Variants in CLCN4 observed in about 807,000 individuals in gnomAD.
CLCN4 encodes the protein H(+)/Cl(-) exchange transporter 4.
A neutral mutation model predicts 41.7 loss-of-function variants in CLCN4; 1 was observed. That is an observed-to-expected ratio of 0.02 (90% confidence interval 0.01 to 0.11). The LOEUF is 0.11. Ranked by LOEUF, CLCN4 falls within the 10% of genes least tolerant of loss-of-function variation. CLCN4 has a pLI of 1.00. For synonymous variants in CLCN4, 277 were observed against 285.8 expected (o/e 0.97, Z 0.31); for missense variants, 287 against 661.0 (o/e 0.43, Z 6.20).
At chrX:10,192,582 C>T (rs942979731) in intron 4 of CLCN4, among the ~76,000 whole-genome samples, 3 of 111,006 alleles carry the variant, frequency 2.7e-5, no homozygotes, top group Non-Finnish European at 5.7e-5. Context: ...ATCTGAGGGG[C>T]CAGCTGTCAG....
At chrX:10,182,991 C>T (rs5979273) in intron 2 of CLCN4, among the ~76,000 whole-genome samples, 32,897 of 111,408 alleles carry the variant, frequency 0.3, 4,058 homozygotes, top group African/African-American at 0.48. Context: ...CAAGTCTCTG[C>T]GATTCTATCT....
intron 2 of CLCN4, among the ~76,000 whole-genome samples, chrX:10,178,029 A>G (rs1020610311): frequency 2.7e-5 from 3 of 112,235 alleles, no homozygotes; most frequent in Admixed American, 9.4e-5. Flanking sequence ...GCCAGATGCA[A>G]GAGGCCACAT....
At chrX:10,182,679 G>A (rs1602144134) in intron 2 of CLCN4, among the ~76,000 whole-genome samples, 1 of 112,288 alleles carries the variant, frequency 8.9e-6, no homozygotes, top group South Asian at 3.7e-4. Context: ...ACCCGCCTCG[G>A]CCTCCCAAAG....
At chrX:10,228,691 C>T (rs1168928019) in intron 12 of CLCN4, among the ~76,000 whole-genome samples, 1 of 111,510 alleles carries the variant, frequency 9.0e-6, no homozygotes, top group Non-Finnish European at 1.9e-5. Context: ...GAGTAATAGT[C>T]AAAGTGTTTA....
chrX:10,217,804 G>A (rs998907693), intron 11 of CLCN4, among the ~76,000 whole-genome samples: 2 of 106,109 alleles, frequency 1.9e-5, no homozygotes, highest in African/African-American at 3.5e-5. Context: ...GTGCAGTGGC[G>A]ACATCTCGGC....
chrX:10,208,808 A>G lies in CLCN4; in HGVS notation c.1389+218A>G, dbSNP rs775272100. Reference sequence around the variant, plus strand: ...AGATTTTAATCCCATTTTACAACTGAGGAAACTAAGGCTCTGAGATCTTAA... The same window carrying G: ...AGATTTTAATCCCATTTTACAACTGGGGAAACTAAGGCTCTGAGATCTTAA... On this transcript the variant is annotated intron_variant, in intron 9 of 12. Transcript: ENST00000380833. 4.1e-4 allele frequency among the ~76,000 whole-genome samples: 46 copies of G among 112,203 alleles called. No individual in the cohort carries two copies. The South Asian group carries it at 5.9e-3, about 14-fold the overall frequency.
At chrX:10,232,801 A>G (rs187160378) in intron 12 of CLCN4, among the ~76,000 whole-genome samples, 11 of 111,046 alleles carry the variant, frequency 9.9e-5, no homozygotes. Context: ...GGTCCCATAC[A>G]ATGGACTCTG....
chrX:10,169,967 T>C (rs1169533243), intron 2 of CLCN4, among the ~76,000 whole-genome samples: 1 of 109,640 alleles, frequency 9.1e-6, no homozygotes, highest in East Asian at 2.9e-4. Context: ...TTTGTATTTT[T>C]AGTAGAGATG....
intron 12 of CLCN4, among the ~76,000 whole-genome samples, chrX:10,224,375 CACTA>C (rs1433719859): frequency 1.9e-5 from 2 of 104,543 alleles, no homozygotes; most frequent in African/African-American, 7.1e-5. Context: ...ACTTTGCAAA[CACTA>C]ACAAGTCTTA....
At chrX:10,216,895 G>GTATATATATATATATATATATA (rs1277215208) in intron 11 of CLCN4, among the ~76,000 whole-genome samples, 3 of 2,086 alleles carry the variant, frequency 1.4e-3, no homozygotes, top group African/African-American at 1.6e-3. Flanking sequence ...GTGTGTGTGT[G>GTATATATATATATATATATATA]TGTATATATA....
At chrX:10,217,284 G>A (rs1453140216) in intron 11 of CLCN4, among the ~76,000 whole-genome samples, 1 of 109,960 alleles carries the variant, frequency 9.1e-6, no homozygotes, top group Non-Finnish European at 1.9e-5. Context: ...TTAATTAACA[G>A]GATGATAGAC....
chrX:10,207,052 T>C lies in CLCN4; in HGVS notation c.843+276T>C, dbSNP rs1303813540. On this transcript the variant is annotated intron_variant, in intron 8 of 12. Transcript: ENST00000380833. ...CTCCTGTCCCAGCCTCCTGAGTAGCTGGGACTATAGGTGCACGCCACCACG... is the reference window on the plus strand; with the variant it reads ...CTCCTGTCCCAGCCTCCTGAGTAGCCGGGACTATAGGTGCACGCCACCACG... 2.7e-5 allele frequency among the ~76,000 whole-genome samples: 3 copies of C among 110,925 alleles called. No homozygotes were observed. In the Admixed American group the frequency reaches 2.9e-4, roughly 11 times the overall value.
chrX:10,189,665 G>T (rs1187299562), intron 4 of CLCN4, among the ~76,000 whole-genome samples: 2 of 112,418 alleles, frequency 1.8e-5, no homozygotes, highest in South Asian at 3.6e-4. Flanking sequence ...TTCCTCGCTG[G>T]ACTAACAGTG....
chrX:10,223,427 C>T (rs1348388668), intron 12 of CLCN4, among the ~76,000 whole-genome samples: 2 of 111,905 alleles, frequency 1.8e-5, no homozygotes, highest in African/African-American at 6.5e-5. Flanking sequence ...AGCAAAATCG[C>T]ACTCTCTCTC....
chrX:10,213,595 C>T, intron 10 of CLCN4, 86 bp from the exon 11 acceptor site: 1 of 883,251 alleles, frequency 1.1e-6, no homozygotes, highest in South Asian at 2.3e-5. Flanking sequence ...GGGGAATTTA[C>T]AGCCTGTCTG....
chrX:10,191,020 C>G (rs1163106005), intron 4 of CLCN4, among the ~76,000 whole-genome samples: 1 of 112,297 alleles, frequency 8.9e-6, no homozygotes, highest in Admixed American at 9.4e-5. Context: ...GTATGTAAAG[C>G]TTTATTGAAA....
intron 2 of CLCN4, among the ~76,000 whole-genome samples, chrX:10,174,210 C>T (rs1602140423): frequency 8.9e-6 from 1 of 111,972 alleles, no homozygotes; most frequent in Admixed American, 9.4e-5. Context: ...TTCCTTTCTC[C>T]CCCTCGTCCA....
chrX:10,211,571 C>T, intron 9 of CLCN4, among the ~76,000 whole-genome samples: 1 of 111,981 alleles, frequency 8.9e-6, no homozygotes, highest in South Asian at 3.7e-4. Flanking sequence ...TATTCTGACT[C>T]TAGAAATCAC....
At chrX:10,214,892 G>A (rs1356864379) in intron 11 of CLCN4, among the ~76,000 whole-genome samples, 1 of 111,554 alleles carries the variant, frequency 9.0e-6, no homozygotes, top group East Asian at 2.8e-4. Context: ...TAGGGCTGCG[G>A]GCTGAGGGCC....
Sources: allele counts gnomAD v4.1 joint callset (sites outside exome capture counted in the v4.1 genomes callset), GRCh38; gene constraint gnomAD v4.1.1; transcripts MANE v1.5; gene names NCBI Gene and HGNC (gene_info 2026-07-23, HGNC 2026-07-21).